Variants in CEP152 observed in about 807,000 individuals in gnomAD.
CEP152 encodes centrosomal protein of 152 kDa.
In CEP152, 132 loss-of-function variants were observed where a neutral mutation model predicts 188.9. That is an observed-to-expected ratio of 0.70 (90% CI 0.61 to 0.81). The LOEUF (loss-of-function observed/expected upper bound fraction) is 0.81, where lower values mean the gene tolerates loss of function less well. Among genes scored for constraint, CEP152 ranks in the 30% least tolerant of loss-of-function variants. CEP152 has a pLI of 0.00. For missense variants in CEP152, 1,914 were observed against 1,969.8 expected (o/e 0.97, Z 0.54); for synonymous variants, 649 against 666.6 (o/e 0.97, Z 0.41).
intron 24 of CEP152, among the ~76,000 whole-genome samples, chr15:48,743,748 A>G (rs745528170): frequency 2.0e-5 from 3 of 152,184 alleles, no homozygotes; most frequent in Non-Finnish European, 4.4e-5. Context: ...CTGTAATCCC[A>G]GCTACTCAGG....
downstream of CEP152, among the ~76,000 whole-genome samples, chr15:48,737,718 C>CCT (rs1017893064): frequency 1.3e-5 from 2 of 151,958 alleles, no homozygotes; most frequent in Non-Finnish European, 2.9e-5. Flanking sequence ...CCCTGGAAAA[C>CCT]CTCTAACTGA....
intron 1 of CEP152, among the ~76,000 whole-genome samples, chr15:48,807,697 C>T (rs201693319): frequency 3.9e-5 from 6 of 151,978 alleles, no homozygotes; most frequent in African/African-American, 1.2e-4. Context: ...AAATACAAGA[C>T]GAAATATGGA....
Position 48,756,296 on chromosome 15 carries a change from A to T in CEP152, c.2952T>A (p.Asp984Glu), listed in dbSNP as rs1894257938. 6.3e-7 allele frequency: 1 copy of T among 1,576,508 alleles called. No individual in the cohort carries two copies. The highest frequency in any genetic ancestry group is 1.9e-5 in the Admixed American group (1 of 52,648). ...CCTCATTAATTTTATTTCGGTGATCATCTAAAAATTGCCGGTAATCTTGCT... is the reference window on the plus strand; with the variant it reads ...CCTCATTAATTTTATTTCGGTGATCTTCTAAAAATTGCCGGTAATCTTGCT... ...QNEQDYRQFL[D>E]DHRNKINEVL... The change falls in exon 20 of 27, where the codon GAT becomes GAA. Residue 984 changes from aspartate to glutamate, a missense_variant. By Grantham distance (45) the Asp-to-Glu change is conservative. Coordinates refer to ENST00000380950, the MANE Select transcript of CEP152 (RefSeq NM_001194998.2).
At chr15:48,756,668 T>G (rs1894298689) in intron 19 of CEP152, 115 bp from the exon 20 acceptor site, 1 of 937,470 alleles carries the variant, frequency 1.1e-6, no homozygotes, top group Non-Finnish European at 1.6e-6. Context: ...AAATCAAAAT[T>G]AAAAGGAAAC....
At chr15:48,777,932 G>A (rs1412892550) in intron 12 of CEP152, among the ~76,000 whole-genome samples, 1 of 152,178 alleles carries the variant, frequency 6.6e-6, no homozygotes, top group Non-Finnish European at 1.5e-5. Flanking sequence ...AAAAAAATCA[G>A]TGGTAGTGAC....
At chr15:48,795,920 A>C in intron 6 of CEP152, 90 bp downstream of exon 6, 1 of 1,216,860 alleles carries the variant, frequency 8.2e-7, no homozygotes, top group South Asian at 1.3e-5. Flanking sequence ...TTAAAAAATA[A>C]TAATTCTTGA....
intron 12 of CEP152, among the ~76,000 whole-genome samples, chr15:48,780,874 C>T (rs536228048): frequency 6.6e-6 from 1 of 152,258 alleles, no homozygotes; most frequent in South Asian, 2.1e-4. Flanking sequence ...AATTCTCCTT[C>T]TACAACCACC....
Position 48,738,814 on chromosome 15 carries a change from G to A in CEP152, c.4568C>T (p.Thr1523Ile), listed in dbSNP as rs202018377. 6 of 1,614,158 alleles carry A rather than the reference G, an allele frequency of 3.7e-6. No homozygotes were observed. In the African/African-American group the frequency reaches 4.0e-5, roughly 11 times the overall value. The change falls in exon 27 of 27, where the codon ACC becomes ATC. Residue 1523 changes from threonine (T) to isoleucine (I), a missense_variant. By Grantham distance (89) the Thr-to-Ile change is moderately conservative. Coordinates refer to ENST00000380950, the MANE Select transcript of CEP152 (RefSeq NM_001194998.2). ...GPSESGCMHI[T>I]FRDSNERLGL... ...AAGTCTTTCATTAGAATCGCGAAAG[G>A]TTATATGCATGCATCCTGATTCAGA...
In CEP152 at chr15:48,799,864, A is replaced by G. The variant is rs142225908; in HGVS notation, c.88-1813T>C. ...GTAGCACCACTTGTTGTCTAGAATT[A>G]TGCATCACTGCTTTAAGGAAAAAGA... is the stretch of plus-strand genomic sequence containing the variant. On this transcript the variant is annotated intron_variant, in intron 2 of 26. Coordinates refer to ENST00000380950, the MANE Select transcript of CEP152 (RefSeq NM_001194998.2). 2.0e-5 allele frequency among the ~76,000 whole-genome samples: 3 copies of G among 152,348 alleles called. No homozygotes were observed. In the East Asian group the frequency reaches 5.8e-4, roughly 29 times the overall value.
intron 2 of CEP152, among the ~76,000 whole-genome samples, chr15:48,730,001 C>G (rs1433456498): frequency 6.6e-6 from 1 of 151,778 alleles, no homozygotes; most frequent in Non-Finnish European, 1.5e-5. Context: ...ACCGGCCCCC[C>G]CCAAAAAAAA....
At chr15:48,755,595 C>G (rs987511324) in intron 20 of CEP152, among the ~76,000 whole-genome samples, 41 of 152,070 alleles carry the variant, frequency 2.7e-4, no homozygotes, top group African/African-American at 9.9e-4. Context: ...GTTTGCTGCA[C>G]CTATCAACCT....
rs536691263 is a variant in CEP152 at position 48,770,267 on chromosome 15, C to T, written c.1783-1186G>A. On this transcript the variant is annotated intron_variant, in intron 13 of 26. Coordinates refer to ENST00000380950, the MANE Select transcript of CEP152 (RefSeq NM_001194998.2). ...GTGGAGGTGGGCAGATCACTTGAGT[C>T]CACAGCTGAAGTAACTTTGAGAAAA... Among the ~76,000 whole-genome samples the T allele has an allele frequency of 1.8e-4, 28 of 152,192 alleles. No individual in the cohort carries two copies. The East Asian group carries it at 4.8e-3, about 26-fold the overall frequency.
intron 19 of CEP152, among the ~76,000 whole-genome samples, chr15:48,759,754 G>C (rs916590145): frequency 6.6e-6 from 1 of 152,096 alleles, no homozygotes; most frequent in Non-Finnish European, 1.5e-5. Flanking sequence ...TTCTGGAAAG[G>C]AGAACTGGCT....
At chr15:48,784,715 G>A (rs978220101) in intron 9 of CEP152, among the ~76,000 whole-genome samples, 3 of 152,088 alleles carry the variant, frequency 2.0e-5, no homozygotes, top group African/African-American at 7.2e-5. Context: ...CCCCTTGAAG[G>A]TGCTTCTGCA....
intron 19 of CEP152, among the ~76,000 whole-genome samples, chr15:48,758,641 C>G (rs911381718): frequency 7.1e-5 from 10 of 140,104 alleles, no homozygotes; most frequent in African/African-American, 2.7e-4. Context: ...ATCGCTTGAA[C>G]CCAGGAGGTA....
At chr15:48,805,504 T>A in intron 2 of CEP152, 59 bp downstream of exon 2, 2 of 1,556,502 alleles carry the variant, frequency 1.3e-6, no homozygotes, top group Admixed American at 1.8e-5. Context: ...GATCAAGAAA[T>A]AAAACTTGTT....
chr15:48,807,313 C>T (rs1898042215), intron 1 of CEP152, among the ~76,000 whole-genome samples: 1 of 152,174 alleles, frequency 6.6e-6, no homozygotes. Flanking sequence ...GGGAAAAACA[C>T]ACAATCTCAT....
intron 22 of CEP152, among the ~76,000 whole-genome samples, chr15:48,746,822 A>G (rs1465172518): frequency 1.3e-5 from 2 of 152,196 alleles, no homozygotes; most frequent in Non-Finnish European, 2.9e-5. Context: ...GGGAGTGTAT[A>G]ACAGGAGGAC....
Position 48,797,811 on chromosome 15 carries a change from C to G in CEP152, c.192-81G>C, listed in dbSNP as rs1567029480. The G allele has an allele frequency of 5.8e-6, 9 of 1,558,628 alleles. No individual in the cohort carries two copies. The South Asian group carries it at 1.0e-4, about 17-fold the overall frequency. On this transcript the variant is annotated intron_variant, in intron 3 of 26. Coordinates refer to ENST00000380950, the MANE Select transcript of CEP152 (RefSeq NM_001194998.2). ...AACACAAAGAACCCCAAGATTTTAA[C>G]CTTTTTCCTTCCAATCTTCACCCAA...
Sources: allele counts gnomAD v4.1 joint callset (sites outside exome capture counted in the v4.1 genomes callset), GRCh38; gene constraint gnomAD v4.1.1; transcripts MANE v1.5; gene names NCBI Gene and HGNC (gene_info 2026-07-23, HGNC 2026-07-21).